The following LHX6 variants were observed in gnomAD, a reference collection of about 807,000 sequenced individuals.
LHX6 encodes LIM homeobox 6.
A neutral mutation model predicts 47.1 loss-of-function variants in LHX6; 15 were observed. The observed-to-expected ratio is 0.32, with a 90% CI of 0.21 to 0.49. LHX6 has a LOEUF of 0.49. Among genes scored for constraint, LHX6 ranks in the 20% least tolerant of loss-of-function variants. The probability of loss-of-function intolerance (pLI) is 0.99; values close to 1 mark genes in which losing one functional copy is unlikely to be tolerated. For synonymous variants in LHX6, 242 were observed against 233.5 expected (o/e 1.04, Z -0.33); for missense variants, 404 against 539.6 (o/e 0.75, Z 2.49).
At chr9:122,210,136 TCTTGATC>T (rs1266922461) in intron 8 of LHX6, among the ~76,000 whole-genome samples, 4 of 152,094 alleles carry the variant, frequency 2.6e-5, no homozygotes, top group African/African-American at 9.7e-5. Context: ...GCCAGGACGG[TCTTGATC>T]TCCTGACCTC....
chr9:122,219,885 C>T (rs1196572957), intron 4 of LHX6, among the ~76,000 whole-genome samples: 2 of 152,240 alleles, frequency 1.3e-5, no homozygotes, highest in African/African-American at 2.4e-5. Context: ...CTGGCAGCGC[C>T]GCGTCCTCTC....
rs529443749 is a variant in LHX6 at position 122,221,275 on chromosome 9, G to T, written c.462-3987C>A. ...TAAGAGGTTAAAACGACCGCTTCTC[G>T]GAGGTCCCGGCCCCGAGGCTCCTCC... is the stretch of plus-strand genomic sequence containing the variant. On this transcript the variant is annotated intron_variant, in intron 4 of 9. Coordinates refer to ENST00000394319, the MANE Select transcript of LHX6 (RefSeq NM_014368.5). 345 of 985,576 alleles carry T rather than the reference G, an allele frequency of 3.5e-4. 1 individual carries two copies. The highest frequency in any genetic ancestry group is 2.3e-4 in the East Asian group (2 of 8,798). The allele number at this position is 985,576 out of a possible 1,614,324, so 61.1% of individuals were successfully genotyped here.
chr9:122,210,097 A>T (rs1830345322), intron 8 of LHX6, among the ~76,000 whole-genome samples: 2 of 151,944 alleles, frequency 1.3e-5, no homozygotes, highest in African/African-American at 4.8e-5. Flanking sequence ...GATGGTCTTG[A>T]TCTGACCTCA....
rs752798437 is a variant in LHX6, at chr9:122,217,231, C to A, written c.519G>T (p.Val173=). The A allele has an allele frequency of 2.5e-6, 4 of 1,614,096 alleles. No homozygotes were observed. Among genetic ancestry groups the A allele is most frequent in the Non-Finnish European group, 2.5e-6 (3 of 1,180,030 alleles). Residue 173 remains valine, a synonymous_variant, in exon 5 of 10, where the codon GTG becomes GTT. Coordinates refer to ENST00000394319, the MANE Select transcript of LHX6 (RefSeq NM_014368.5). This position sits in a 1 kb window ranked among gnomAD's most constrained non-coding sequence, Gnocchi z 4.9. ...GGTAGGCGTTGCCGCGAGCTCTCCG[C>A]ACCCAGTCGCTGGCGTAGATCTGTC... ...CGRQIYASDW[V]RRARGNAYHL...
Position 122,227,000 on chromosome 9 carries a change from C to A in LHX6, c.187G>T (p.Ala63Ser). The A allele has an allele frequency of 1.3e-6, 2 of 1,525,902 alleles. No individual in the cohort carries two copies. Among genetic ancestry groups the A allele is most frequent in the South Asian group, 1.2e-5 (1 of 80,168 alleles). 94.5% of individuals were successfully genotyped at this position (1,525,902 alleles called of 1,614,324 possible). The change falls in exon 3 of 10, where the codon GCT (alanine) becomes TCT (serine). Residue 63 changes from alanine to serine, a missense_variant. Ala to Ser is a moderately conservative substitution (Grantham distance 99). Around this residue, in one of 7 missense-constraint regions of LHX6, gnomAD observed 144 missense variants for 128.7 expected, o/e 1.12. Transcript: ENST00000394319. The surrounding 1 kb of genome is among the most constrained non-coding windows in gnomAD (Gnocchi z 6.5). ...GCCTGACCCTCGTCCTTGTCCAGAG[C>A]TCCTGCCAGGGCCTCGGCGTCAGAC... The part of the protein sequence containing the change: ...AQSDAEALAG[A>S]LDKDEGQASP...
At chr9:122,221,336 C>T in intron 4 of LHX6, 2 of 985,706 alleles carry the variant, frequency 2.0e-6, no homozygotes, top group Non-Finnish European at 2.4e-6. Context: ...ACATCTGTCC[C>T]CCAACAGCTG....
rs138880738 is a variant in LHX6 at position 122,226,926 on chromosome 9, G to A, written c.261C>T (p.Ala87=). 2.9e-5 allele frequency: 46 copies of A among 1,559,788 alleles called. No individual in the cohort carries two copies. The African/African-American group carries it at 5.0e-4, about 17-fold the overall frequency. ...STPSVCSPPS[A]ASSVPSAGKN... ...TGCCTGCAGACGGCACGGAGGAGGC[G>A]GCAGAGGGCGGTGAGCAGACAGATG... The change falls in exon 3 of 10, where the codon GCC becomes GCT. Residue 87 remains alanine (A), a synonymous_variant. Coordinates refer to ENST00000394319, the MANE Select transcript of LHX6 (RefSeq NM_014368.5). This position sits in a 1 kb window ranked among gnomAD's most constrained non-coding sequence, Gnocchi z 6.5.
chr9:122,214,512 AG>A lies in LHX6; in HGVS notation c.683-130del. On this transcript the variant is annotated intron_variant, in intron 5 of 9. Transcript: ENST00000394319. The surrounding 1 kb of genome is among the most constrained non-coding windows in gnomAD (Gnocchi z 4.6). ...GGAGTTGGCTGGGAGCAGGGATCCC[AG>A]GGTCCTAGTCCCTGAGCTCAGTCTT... The A allele has an allele frequency of 7.6e-7, 1 of 1,307,632 alleles. No homozygotes were observed. The highest frequency in any genetic ancestry group is 1.0e-6 in the Non-Finnish European group (1 of 1,003,002). The allele number at this position is 1,307,632 out of a possible 1,614,324, so 81.0% of individuals were successfully genotyped here. A position where few individuals can be genotyped will look rare whatever the true frequency, so the allele number is the denominator to read the frequency against.
rs181518405 is a variant in LHX6 at position 122,213,425 on chromosome 9, G to A, written c.1054+181C>T. 2.7e-3 allele frequency among the ~76,000 whole-genome samples: 409 copies of A among 152,324 alleles called. 1 individual carries two copies. The highest frequency in any genetic ancestry group is 9.5e-3 in the African/African-American group (394 of 41,578). On this transcript the variant is annotated intron_variant, in intron 8 of 9. Coordinates refer to ENST00000394319, the MANE Select transcript of LHX6 (RefSeq NM_014368.5). The surrounding 1 kb of genome is among the most constrained non-coding windows in gnomAD (Gnocchi z 5.5). ...TGAAGGATCCCGCTCCACTGAGGCA[G>A]AGCCGAAGATTTGACCCTTCTTCCC...
At position 122,204,729 on chromosome 9, in the gene LHX6, C is replaced by A; in HGVS notation, c.*31G>T. 6.3e-7 allele frequency: 1 copy of A among 1,593,918 alleles called. No individual in the cohort carries two copies. The highest frequency in any genetic ancestry group is 1.1e-5 in the South Asian group (1 of 87,668). On this transcript the variant is annotated 3_prime_UTR_variant, in exon 10 of 10. Transcript: ENST00000394319. ...GCGGCTGAGGGGCAGCTGTGGGGCG[C>A]CCACGGGCAGATGCGGAAGTGCCGG...
chr9:122,205,937 C>A (rs1007154337), intron 9 of LHX6, among the ~76,000 whole-genome samples: 17 of 150,216 alleles, frequency 1.1e-4, no homozygotes, highest in African/African-American at 3.9e-4. Context: ...CCAGGGTGGG[C>A]ATTCCTTCCC....
At chr9:122,220,525 C>T (rs1446120215) in intron 4 of LHX6, among the ~76,000 whole-genome samples, 2 of 152,216 alleles carry the variant, frequency 1.3e-5, no homozygotes, top group African/African-American at 4.8e-5. Context: ...CACTGGATTC[C>T]AGACACAGCG....
intron 9 of LHX6, among the ~76,000 whole-genome samples, chr9:122,206,012 C>A (rs568886019): frequency 6.6e-6 from 1 of 152,126 alleles, no homozygotes; most frequent in Non-Finnish European, 1.5e-5. Context: ...TTAGGAAAAG[C>A]TCTCTCAAGA....
chr9:122,210,405 T>C (rs891454041), intron 8 of LHX6, among the ~76,000 whole-genome samples: 5 of 152,172 alleles, frequency 3.3e-5, no homozygotes, highest in Non-Finnish European at 7.3e-5. Context: ...AGTAAGTTCA[T>C]ATCTCTTAGG....
Position 122,203,049 on chromosome 9 carries a change from G to A in LHX6, c.*1711C>T, listed in dbSNP as rs924239551. The A allele has an allele frequency of 6.6e-6, 1 of 152,654 alleles. No homozygotes were observed. The highest frequency in any genetic ancestry group is 2.4e-5 in the African/African-American group (1 of 41,472). 9.5% of individuals were successfully genotyped at this position (152,654 alleles called of 1,614,324 possible). The stretch of plus-strand genomic sequence containing the variant: ...GCGCCTAGCACAGGGCTGGGCACAA[G>A]TTACCACTGACTGAGTGCTGAGCTG... On this transcript the variant is annotated 3_prime_UTR_variant, in exon 10 of 10. Coordinates refer to ENST00000394319, the MANE Select transcript of LHX6 (RefSeq NM_014368.5).
rs966060618 is a variant in LHX6, at chr9:122,221,811, T to A, written c.462-4523A>T. 5 of 706,538 alleles carry A rather than the reference T, an allele frequency of 7.1e-6. No homozygotes were observed. In the African/African-American group the frequency reaches 9.7e-5, roughly 14 times the overall value. The allele number at this position is 706,538 out of a possible 1,614,324, so 43.8% of individuals were successfully genotyped here. ...GGATCAGCAGAGAGGGGCCCCACGA[T>A]GCACAGACGGGTGGCTGATATATCT... On this transcript the variant is annotated intron_variant, in intron 4 of 9. Coordinates refer to ENST00000394319, the MANE Select transcript of LHX6 (RefSeq NM_014368.5).
chr9:122,211,511 C>G (rs1830397947), intron 8 of LHX6, among the ~76,000 whole-genome samples: 2 of 152,224 alleles, frequency 1.3e-5, no homozygotes, highest in Admixed American at 1.3e-4. Context: ...GGGTCTGGTT[C>G]TAACACTTTC....
At chr9:122,221,490 A>G in intron 4 of LHX6, 3 of 985,506 alleles carry the variant, frequency 3.0e-6, no homozygotes, top group Non-Finnish European at 3.6e-6. Context: ...GGGCCAGAGA[A>G]GGCTAGGGGC....
intron 4 of LHX6, chr9:122,221,384 G>A: frequency 1.0e-6 from 1 of 985,672 alleles, no homozygotes; most frequent in Non-Finnish European, 1.2e-6. Flanking sequence ...GTGGGGGGCC[G>A]CTTCCCGCTC....
Sources: gnomAD v4.1 joint callset for allele counts (sites outside exome capture counted in the v4.1 genomes callset) on GRCh38, gnomAD v4.1.1 for gene constraint, gnomAD v4.1.1 regional missense constraint, Gnocchi (gnomAD v3.1) non-coding constraint, MANE v1.5 for transcripts, NCBI Gene and HGNC (gene_info 2026-07-23, HGNC 2026-07-21) for gene names.